Variants in CHEK2 observed in about 807,000 individuals in gnomAD.
The protein encoded by CHEK2 is serine/threonine-protein kinase Chk2.
A neutral mutation model predicts 69.1 loss-of-function variants in CHEK2; 71 were observed. That is an observed-to-expected ratio of 1.03 (90% CI 0.85 to 1.25). The LOEUF is 1.25. CHEK2 is among the 50% of genes most tolerant of loss of function. The pLI, the probability that CHEK2 is intolerant of heterozygous loss-of-function variation, is 0.00. For missense variants in CHEK2, 664 were observed against 649.6 expected, an observed-to-expected ratio of 1.02 and a Z score of -0.24; for synonymous variants, 189 against 226.9, an observed-to-expected ratio of 0.83 and a Z score of 1.50.
chr22:28,716,605 T>C (rs991263832), intron 5 of CHEK2, among the ~76,000 whole-genome samples: 3 of 152,194 alleles, frequency 2.0e-5, no homozygotes, highest in Non-Finnish European at 4.4e-5. Context: ...ATTTCTCCCA[T>C]ATAATACAGA....
intron 2 of CHEK2, chr22:28,730,470 CT>C: frequency 1.4e-6 from 1 of 699,332 alleles, no homozygotes; most frequent in Non-Finnish European, 2.6e-6. Context: ...TATCCCAGCA[CT>C]TTGGGAGGCT....
At chr22:28,702,092 C>T (rs2052878616) in intron 8 of CHEK2, among the ~76,000 whole-genome samples, 1 of 149,138 alleles carries the variant, frequency 6.7e-6, no homozygotes, top group Non-Finnish European at 1.5e-5. Context: ...ACAGGGATTC[C>T]AGGCACGTGC....
intron 13 of CHEK2, among the ~76,000 whole-genome samples, chr22:28,689,836 G>A (rs1311531030): frequency 6.6e-6 from 1 of 152,208 alleles, no homozygotes; most frequent in African/African-American, 2.4e-5. Flanking sequence ...GATGAGGAGG[G>A]CACAGACAGT....
At chr22:28,726,457 C>A (rs1438396488) in intron 2 of CHEK2, 2 of 143,350 alleles carry the variant, frequency 1.4e-5, no homozygotes, top group Non-Finnish European at 3.0e-5. Flanking sequence ...ATTTATTATA[C>A]ATGTTATATA....
At chr22:28,703,602 G>A (rs747150488) in intron 7 of CHEK2, 36 bp from the exon 8 acceptor site, 2 of 1,332,122 alleles carry the variant, frequency 1.5e-6, no homozygotes, top group Non-Finnish European at 2.1e-6. Context: ...AAAGTAGTGA[G>A]AAACTCCCAA....
intron 1 of CHEK2, among the ~76,000 whole-genome samples, chr22:28,739,570 T>C (rs999839768): frequency 6.6e-6 from 1 of 151,796 alleles, no homozygotes; most frequent in Non-Finnish European, 1.5e-5. Flanking sequence ...GCGTCTATAA[T>C]CCCAGCTACT....
chr22:28,707,581 G>C (rs1201062460), intron 7 of CHEK2, among the ~76,000 whole-genome samples: 1 of 152,152 alleles, frequency 6.6e-6, no homozygotes, highest in Non-Finnish European at 1.5e-5. Context: ...ATCAATCTCT[G>C]ACTCCAAAGG....
chr22:28,697,350 T>C (rs1184218361), intron 9 of CHEK2, among the ~76,000 whole-genome samples: 1 of 152,156 alleles, frequency 6.6e-6, no homozygotes, highest in Non-Finnish European at 1.5e-5. Context: ...ACCAAAATGA[T>C]ATATTTGGTT....
chr22:28,698,362 T>C (rs1233879365), intron 9 of CHEK2, among the ~76,000 whole-genome samples: 2 of 151,812 alleles, frequency 1.3e-5, no homozygotes, highest in Non-Finnish European at 2.9e-5. Flanking sequence ...GCCATTGGAC[T>C]CCAGCCTGGG....
At position 28,719,417 on chromosome 22, in the gene CHEK2, T is replaced by C. The variant is rs199749372; in HGVS notation, c.661A>G (p.Ile221Val). The C allele has an allele frequency of 1.1e-5, 18 of 1,591,400 alleles. No homozygotes were observed. The highest frequency in any genetic ancestry group is 2.2e-5 in the East Asian group (1 of 44,580). Residue 221 changes from isoleucine (I) to valine (V), a missense_variant, in exon 5 of 15, where the codon ATC (isoleucine) becomes GTC (valine). Physicochemically the swap from Ile to Val is conservative, Grantham distance 29. Coordinates refer to ENST00000404276, the MANE Select transcript of CHEK2 (RefSeq NM_007194.4). ...VYPKALRDEY[I>V]MSKTLGSGAC... is the part of the protein sequence containing the mutation. ...TACCTTCCAAGAGTTTTTGACATGA[T>C]GTATTCATCTCTTAATGCCTTAGGA...
rs539821723 is a variant in CHEK2, at chr22:28,708,942, GCCT to G, written c.846+1061_846+1063del. 52 of 360,164 alleles carry G rather than the reference GCCT, an allele frequency of 1.4e-4. 2 individuals are homozygous for G. The highest frequency in any genetic ancestry group is 1.0e-3 in the South Asian group (52 of 51,458). 22.3% of individuals were successfully genotyped at this position (360,164 alleles called of 1,614,324 possible). A position where few individuals can be genotyped will look rare whatever the true frequency, so the allele number is the denominator to read the frequency against. On this transcript the variant is annotated intron_variant, in intron 7 of 14. Transcript: ENST00000404276. Reference sequence around the variant, plus strand: ...TACTCCAGCCTGGGTGACAGAGCGAGCCTCCGTCTCAAAAAAAAAAAAAAAAAA... The same window carrying G: ...TACTCCAGCCTGGGTGACAGAGCGAGCCGTCTCAAAAAAAAAAAAAAAAAA...
intron 1 of CHEK2, among the ~76,000 whole-genome samples, chr22:28,739,302 G>A (rs571256879): frequency 6.6e-6 from 1 of 152,046 alleles, no homozygotes; most frequent in Non-Finnish European, 1.5e-5. Flanking sequence ...CAAAAGATCC[G>A]AAAAGACATT....
chr22:28,718,883 AACACACACAC>A (rs144577000), intron 5 of CHEK2, among the ~76,000 whole-genome samples: 1,891 of 140,536 alleles, frequency 0.013, 37 homozygotes, highest in East Asian at 0.082. Flanking sequence ...CTCTGACACT[AACACACACAC>A]ACACACACAC....
At chr22:28,736,551 C>A (rs1306073777) in intron 1 of CHEK2, among the ~76,000 whole-genome samples, 3 of 152,212 alleles carry the variant, frequency 2.0e-5, no homozygotes, top group Admixed American at 6.5e-5. Flanking sequence ...GCCTTCCGGC[C>A]TTGATGTAAT....
At chr22:28,693,464 C>T (rs564365850) in intron 13 of CHEK2, among the ~76,000 whole-genome samples, 1 of 152,264 alleles carries the variant, frequency 6.6e-6, no homozygotes, top group Non-Finnish European at 1.5e-5. Flanking sequence ...CCCTCCCCCA[C>T]TTCCCTGATT....
intron 4 of CHEK2, among the ~76,000 whole-genome samples, chr22:28,723,423 C>G (rs2053869619): frequency 6.6e-6 from 1 of 151,016 alleles, no homozygotes; most frequent in Non-Finnish European, 1.5e-5. Flanking sequence ...ACAGTGAAAC[C>G]CCGTCTCTAC....
chr22:28,737,262 T>C (rs947472575), intron 1 of CHEK2: 7 of 473,194 alleles, frequency 1.5e-5, no homozygotes, highest in Non-Finnish European at 3.0e-5. Context: ...GTTCTTACCA[T>C]AGACGTTAGC....
At chr22:28,736,694 C>T (rs996499835) in intron 1 of CHEK2, among the ~76,000 whole-genome samples, 7 of 152,158 alleles carry the variant, frequency 4.6e-5, no homozygotes, top group African/African-American at 1.4e-4. Flanking sequence ...AATCCCAGCA[C>T]TTTGGGAGGC....
At position 28,729,984 on chromosome 22, in the gene CHEK2, C is replaced by T. The variant is rs373633995; in HGVS notation, c.319+4419G>A. ...ATCACCAACTAGCTGGAACTACAGG[C>T]TCCTGCCACCACGCCCGGCTAATTT... On this transcript the variant is annotated intron_variant, in intron 2 of 14. Transcript: ENST00000404276. 9.2e-5 allele frequency among the ~76,000 whole-genome samples: 14 copies of T among 151,540 alleles called. No homozygotes were observed. The South Asian group carries it at 2.9e-3, about 32-fold the overall frequency.
Sources: gnomAD v4.1 joint callset for allele counts (sites outside exome capture counted in the v4.1 genomes callset) on GRCh38, gnomAD v4.1.1 for gene constraint, MANE v1.5 for transcripts, NCBI Gene and HGNC (gene_info 2026-07-23, HGNC 2026-07-21) for gene names.